The following ARHGAP26 variants were observed in gnomAD, a reference collection of about 807,000 sequenced individuals.
ARHGAP26 encodes Rho GTPase activating protein 26.
ARHGAP26 carries 38 observed loss-of-function variants against 104.8 expected under a neutral mutation model. That is an observed-to-expected ratio of 0.36 (90% confidence interval 0.28 to 0.48). ARHGAP26 has a LOEUF of 0.48. Ranked by LOEUF, ARHGAP26 falls within the 20% of genes least tolerant of loss-of-function variation. ARHGAP26 has a pLI of 0.99. For missense variants in ARHGAP26, 704 were observed against 947.9 expected (o/e 0.74, Z 3.38); for synonymous variants, 341 against 340.0 (o/e 1.00, Z -0.03).
intron 17 of ARHGAP26, among the ~76,000 whole-genome samples, chr5:143,097,606 G>C (rs1219112274): frequency 1.3e-5 from 2 of 151,868 alleles, no homozygotes; most frequent in Admixed American, 1.3e-4. Flanking sequence ...GGATCATGAG[G>C]TCAAGAGATT....
intron 17 of ARHGAP26, among the ~76,000 whole-genome samples, chr5:143,077,827 G>T (rs541994683): frequency 6.6e-6 from 1 of 152,166 alleles, no homozygotes; most frequent in Non-Finnish European, 1.5e-5. Context: ...TAGAGGGTTC[G>T]AAGGCCAAGA....
intron 11 of ARHGAP26, among the ~76,000 whole-genome samples, chr5:142,943,547 C>G (rs192876187): frequency 4.5e-4 from 68 of 152,256 alleles, no homozygotes; most frequent in Non-Finnish European, 7.8e-4. Flanking sequence ...ATGTAATCAC[C>G]CCATAAGGCC....
chr5:143,143,640 A>C (rs1354078667), intron 19 of ARHGAP26, among the ~76,000 whole-genome samples: 1 of 152,126 alleles, frequency 6.6e-6, no homozygotes, highest in Non-Finnish European at 1.5e-5. Context: ...AGCAGCATAA[A>C]TTTTTGACTG....
At chr5:142,910,796 T>G (rs1761731357) in intron 9 of ARHGAP26, among the ~76,000 whole-genome samples, 1 of 152,192 alleles carries the variant, frequency 6.6e-6, no homozygotes, top group South Asian at 2.1e-4. Context: ...CAGGCTGGCC[T>G]CAAACTCCTG....
At chr5:143,222,272 CACACACACACACCCCACACACACAT>C (rs1811293674) in intron 22 of ARHGAP26, 61 bp from the exon 23 acceptor site, 2 of 770,040 alleles carry the variant, frequency 2.6e-6, no homozygotes, top group Non-Finnish European at 4.1e-6. Flanking sequence ...CACACACACA[CACACACACACACCCCACACACACAT>C]CTGCCGCCTG....
intron 12 of ARHGAP26, among the ~76,000 whole-genome samples, chr5:143,021,514 T>C (rs1193827827): frequency 6.6e-6 from 1 of 152,190 alleles, no homozygotes; most frequent in Non-Finnish European, 1.5e-5. Context: ...ATCATTCTCT[T>C]TGGGTAGATT....
chr5:143,085,044 C>CAAAAA (rs56852430), intron 17 of ARHGAP26, among the ~76,000 whole-genome samples: 29 of 61,384 alleles, frequency 4.7e-4, no homozygotes, highest in Non-Finnish European at 6.9e-4. Context: ...GACTCCATCT[C>CAAAAA]AAAAAAAAAA....
intron 1 of ARHGAP26, among the ~76,000 whole-genome samples, chr5:142,862,191 G>A (rs1439720070): frequency 6.6e-6 from 1 of 152,200 alleles, no homozygotes; most frequent in African/African-American, 2.4e-5. Context: ...CTTTTCAAGT[G>A]AGGTTCTTGC....
chr5:142,774,758 C>G (rs561198061), intron 1 of ARHGAP26, among the ~76,000 whole-genome samples: 1 of 152,260 alleles, frequency 6.6e-6, no homozygotes, highest in African/African-American at 2.4e-5. Context: ...CCCACTAACC[C>G]CGGGCAACCA....
At chr5:142,904,567 G>A (rs1344904707) in intron 8 of ARHGAP26, among the ~76,000 whole-genome samples, 1 of 151,714 alleles carries the variant, frequency 6.6e-6, no homozygotes, top group African/African-American at 2.4e-5. Flanking sequence ...TTCTGCCAGT[G>A]ATGTCTAGGA....
At chr5:142,914,226 C>A (rs539472725) in intron 10 of ARHGAP26, among the ~76,000 whole-genome samples, 1 of 152,398 alleles carries the variant, frequency 6.6e-6, no homozygotes, top group South Asian at 2.1e-4. Flanking sequence ...GGTGTCTACT[C>A]TGCACTGCAG....
intron 11 of ARHGAP26, among the ~76,000 whole-genome samples, chr5:142,971,001 A>G (rs1772182318): frequency 6.6e-6 from 1 of 152,216 alleles, no homozygotes; most frequent in Non-Finnish European, 1.5e-5. Context: ...TTTCAATCCC[A>G]TTTTGGTAAA....
chr5:142,854,880 TCTCTA>T (rs1752091443), intron 1 of ARHGAP26, among the ~76,000 whole-genome samples: 1 of 152,202 alleles, frequency 6.6e-6, no homozygotes, highest in Admixed American at 6.5e-5. Flanking sequence ...GCAAACTGTT[TCTCTA>T]CTCTACGCTC....
intron 20 of ARHGAP26, among the ~76,000 whole-genome samples, chr5:143,180,285 C>G (rs1346361151): frequency 1.3e-5 from 2 of 152,096 alleles, no homozygotes; most frequent in Non-Finnish European, 2.9e-5. Flanking sequence ...ACCACCACAC[C>G]CAGCTAATTT....
At chr5:142,998,731 C>T (rs762667952) in intron 11 of ARHGAP26, among the ~76,000 whole-genome samples, 48 of 151,740 alleles carry the variant, frequency 3.2e-4, no homozygotes, top group Non-Finnish European at 4.9e-4. Flanking sequence ...TTCCCCACCC[C>T]CTAAAAAAAG....
At position 143,027,952 on chromosome 5, in the gene ARHGAP26, G is replaced by A. The variant is rs908782304; in HGVS notation, c.1145-9244G>A. ...CTCTTGTTCACTGGAGTTGAGAGCC[G>A]CTACTGGAATAGAAATGGTAGGATC... On this transcript the variant is annotated intron_variant, in intron 12 of 22. Coordinates refer to ENST00000645722, the MANE Select transcript of ARHGAP26 (RefSeq NM_001135608.3). Among the ~76,000 whole-genome samples the A allele has an allele frequency of 1.2e-4, 19 of 152,104 alleles. No homozygotes were observed. In the East Asian group the frequency reaches 2.9e-3, roughly 23 times the overall value.
intron 1 of ARHGAP26, among the ~76,000 whole-genome samples, chr5:142,805,789 C>T (rs986011975): frequency 2.6e-5 from 4 of 152,196 alleles, no homozygotes; most frequent in Non-Finnish European, 5.9e-5. Context: ...TCTATGAAGC[C>T]AGTGTTCCTT....
intron 22 of ARHGAP26, among the ~76,000 whole-genome samples, chr5:143,219,469 G>A (rs557664384): frequency 3.1e-4 from 47 of 152,300 alleles, no homozygotes; most frequent in East Asian, 2.5e-3. Flanking sequence ...AGCTTAGCAC[G>A]TTTGAACAGC....
At chr5:143,077,051 G>A (rs1789141915) in intron 17 of ARHGAP26, among the ~76,000 whole-genome samples, 3 of 152,212 alleles carry the variant, frequency 2.0e-5, no homozygotes, top group Non-Finnish European at 4.4e-5. Context: ...ATTATTCTCT[G>A]TCATGACTGA....
Sources: allele counts gnomAD v4.1 joint callset (sites outside exome capture counted in the v4.1 genomes callset), GRCh38; gene constraint gnomAD v4.1.1; transcripts MANE v1.5; gene names NCBI Gene and HGNC (gene_info 2026-07-23, HGNC 2026-07-21).